Variants in PIEZO2 observed in about 807,000 individuals in gnomAD.
PIEZO2 encodes piezo-type mechanosensitive ion channel component 2.
A neutral mutation model predicts 337.3 loss-of-function variants in PIEZO2; 172 were observed. That is an observed-to-expected ratio of 0.51 (90% CI 0.45 to 0.58). The LOEUF is 0.58. Among genes scored for constraint, PIEZO2 ranks in the 20% least tolerant of loss-of-function variants. The pLI, the probability that PIEZO2 is intolerant of heterozygous loss-of-function variation, is 0.00. For missense variants in PIEZO2, 3,028 were observed against 3,391.3 expected (o/e 0.89, Z 2.66); for synonymous variants, 1,251 against 1,228.5 (o/e 1.02, Z -0.38).
intron 1 of PIEZO2, among the ~76,000 whole-genome samples, chr18:11,122,319 C>T (rs1378463471): frequency 6.6e-6 from 1 of 152,174 alleles, no homozygotes; most frequent in Non-Finnish European, 1.5e-5. Flanking sequence ...TAGACATTAT[C>T]AAGATTTACT....
In PIEZO2 at chr18:10,794,807, A is replaced by C. The variant is rs1270553729; in HGVS notation, c.1723T>G (p.Leu575Val). The part of the protein sequence containing the change: ...LPEIKKVPGF[L>V]EKKEPGELAS... ...AGTTCTCCTGGCTCTTTCTTTTCTA[A>C]AAATCCTGGAACTTTTTTAATTTCA... The change falls in exon 13 of 56, where the codon TTA becomes GTA. Residue 575 changes from leucine (L) to valine (V), a missense_variant. Around this residue, in one of 5 missense-constraint regions of PIEZO2, gnomAD observed 1,925 missense variants for 2,051.9 expected, o/e 0.94. Coordinates refer to ENST00000674853, the MANE Select transcript of PIEZO2 (RefSeq NM_001378183.1). This position sits in a 1 kb window ranked among gnomAD's most constrained non-coding sequence, Gnocchi z 6.6. The C allele has an allele frequency of 2.6e-6, 4 of 1,535,468 alleles. No homozygotes were observed. In the South Asian group the frequency reaches 4.8e-5, roughly 18 times the overall value.
intron 4 of PIEZO2, among the ~76,000 whole-genome samples, chr18:10,881,072 A>G (rs2042406989): frequency 6.6e-6 from 1 of 151,616 alleles, no homozygotes; most frequent in Admixed American, 6.6e-5. Context: ...AAATCAAGGG[A>G]TTCCAAAGTT....
chr18:11,018,340 G>T (rs1334780986), intron 2 of PIEZO2, among the ~76,000 whole-genome samples: 1 of 144,304 alleles, frequency 6.9e-6, no homozygotes, highest in Non-Finnish European at 1.5e-5. Context: ...TTCCAAATAA[G>T]GTCACATTCT....
rs61626740 is a variant in PIEZO2, at chr18:10,903,899, C to T, written c.329+7287G>A. 2.0e-3 allele frequency among the ~76,000 whole-genome samples: 307 copies of T among 152,310 alleles called. 1 individual carries two copies. The highest frequency in any genetic ancestry group is 7.3e-3 in the African/African-American group (302 of 41,552). On this transcript the variant is annotated intron_variant, in intron 4 of 55. Transcript: ENST00000674853. The surrounding 1 kb of genome is among the most constrained non-coding windows in gnomAD (Gnocchi z 4.1). Reference sequence around the variant, plus strand: ...CCATCCCTGTCCCCCAACTATGCAGCCAGGCCTTGCCTCAACCTCACACAT... The same window carrying T: ...CCATCCCTGTCCCCCAACTATGCAGTCAGGCCTTGCCTCAACCTCACACAT...
Position 10,677,691 on chromosome 18 carries a change from T to C in PIEZO2, c.8081+56A>G, listed in dbSNP as rs1001629433. ...ACACATGAATCTGTAGATGGACATT[T>C]TGTACCAGCTGCATATACCTAACAA... is the stretch of plus-strand genomic sequence containing the variant. On this transcript the variant is annotated intron_variant, in intron 53 of 55. Coordinates refer to ENST00000674853, the MANE Select transcript of PIEZO2 (RefSeq NM_001378183.1). This position sits in a 1 kb window ranked among gnomAD's most constrained non-coding sequence, Gnocchi z 4.1. The C allele has an allele frequency of 1.9e-5, 30 of 1,561,146 alleles. No homozygotes were observed. Among genetic ancestry groups the C allele is most frequent in the Non-Finnish European group, 2.6e-5 (30 of 1,154,260 alleles).
At chr18:10,700,206 T>G (rs1237989085) in intron 43 of PIEZO2, among the ~76,000 whole-genome samples, 1 of 152,176 alleles carries the variant, frequency 6.6e-6, no homozygotes, top group Non-Finnish European at 1.5e-5. Context: ...CTCAGTAGTA[T>G]ATTTACTTGT....
chr18:10,939,256 A>C (rs2032581279), intron 3 of PIEZO2, among the ~76,000 whole-genome samples: 1 of 152,182 alleles, frequency 6.6e-6, no homozygotes, highest in Non-Finnish European at 1.5e-5. Flanking sequence ...GGATGCAAAA[A>C]AGTTATATTA....
intron 1 of PIEZO2, among the ~76,000 whole-genome samples, chr18:11,089,473 A>T (rs904674238): frequency 2.6e-5 from 4 of 152,138 alleles, no homozygotes; most frequent in Non-Finnish European, 1.5e-5. Context: ...TGCCTGCCCA[A>T]ACTCTTGAAA....
Position 10,680,380 on chromosome 18 carries a change from G to A in PIEZO2, c.7780-9C>T. ...AGAAATTGCATAGCACCCTGTATGT[G>A]CACAAATGCACATGCATAAATAGAT... On this transcript the variant is annotated splice_polypyrimidine_tract_variant and intron_variant, in intron 51 of 55. Transcript: ENST00000674853. 6.2e-7 allele frequency: 1 copy of A among 1,610,588 alleles called. No homozygotes were observed. Among genetic ancestry groups the A allele is most frequent in the Non-Finnish European group, 8.5e-7 (1 of 1,177,938 alleles).
chr18:10,700,875 C>T (rs2035301970), intron 43 of PIEZO2, among the ~76,000 whole-genome samples: 1 of 152,162 alleles, frequency 6.6e-6, no homozygotes, highest in African/African-American at 2.4e-5. Flanking sequence ...CTTTCAAAAA[C>T]CTGCCACAAC....
intron 52 of PIEZO2, among the ~76,000 whole-genome samples, chr18:10,678,207 G>A (rs1303455307): frequency 1.3e-5 from 2 of 152,152 alleles, no homozygotes; most frequent in African/African-American, 2.4e-5. Context: ...TAGTCTCCAC[G>A]GCAATAAACA....
chr18:10,699,251 C>T (rs917997173), intron 43 of PIEZO2, 74 bp from the exon 44 acceptor site: 1 of 1,510,522 alleles, frequency 6.6e-7, no homozygotes, highest in Admixed American at 2.2e-5. Context: ...CTTACAAAAT[C>T]TCATCCAACA....
intron 18 of PIEZO2, among the ~76,000 whole-genome samples, chr18:10,774,436 C>G (rs933903472): frequency 7.0e-6 from 1 of 142,500 alleles, no homozygotes; most frequent in Non-Finnish European, 1.5e-5. Flanking sequence ...ACGAATCCCA[C>G]TCTGCCATCT....
In PIEZO2 at chr18:11,001,754, T is replaced by C. The variant is rs577458213; in HGVS notation, c.161-22094A>G. Among the ~76,000 whole-genome samples, 12 of 152,112 alleles carry C rather than the reference T, an allele frequency of 7.9e-5. No homozygotes were observed. The highest frequency in any genetic ancestry group is 2.4e-4 in the African/African-American group (10 of 41,492). ...TGGGCCATGCACAGTGGCTCACACC[T>C]GTAACCCCAGCCACTCGGGAGGCTG... On this transcript the variant is annotated intron_variant, in intron 2 of 55. Transcript: ENST00000674853. This position sits in a 1 kb window ranked among gnomAD's most constrained non-coding sequence, Gnocchi z 5.3.
chr18:10,786,912 AT>A, intron 16 of PIEZO2, 123 bp downstream of exon 16: 1 of 976,228 alleles, frequency 1.0e-6, no homozygotes. Flanking sequence ...TTTAATTTCT[AT>A]TATTGAGGAA....
Position 10,821,188 on chromosome 18 carries a change from G to T in PIEZO2, c.918-13914C>A, listed in dbSNP as rs1370659723. ...CAGCAAGACCACCATGCTCAGTTTG[G>T]ATTCCCTTCCCCACATAATGTACAG... is the stretch of plus-strand genomic sequence containing the variant. On this transcript the variant is annotated intron_variant, in intron 7 of 55. Coordinates refer to ENST00000674853, the MANE Select transcript of PIEZO2 (RefSeq NM_001378183.1). The surrounding 1 kb of genome is among the most constrained non-coding windows in gnomAD (Gnocchi z 4.2). Among the ~76,000 whole-genome samples, 1 of 152,038 alleles carries T rather than the reference G, an allele frequency of 6.6e-6. No homozygotes were observed. The highest frequency in any genetic ancestry group is 6.6e-5 in the Admixed American group (1 of 15,242).
intron 1 of PIEZO2, among the ~76,000 whole-genome samples, chr18:11,073,664 A>G (rs1336359406): frequency 6.6e-6 from 1 of 152,200 alleles, no homozygotes; most frequent in African/African-American, 2.4e-5. Flanking sequence ...ATCCCATTTG[A>G]CAGATGGCAG....
chr18:11,110,514 T>C lies in PIEZO2; in HGVS notation c.64+38011A>G, dbSNP rs2146140863. 6.6e-6 allele frequency among the ~76,000 whole-genome samples: 1 copy of C among 152,268 alleles called. No individual in the cohort carries two copies. Among genetic ancestry groups the C allele is most frequent in the South Asian group, 2.1e-4 (1 of 4,820 alleles). ...TCCACCTGTTTACCTGAGGTAAGTG[T>C]CTGGGCCTTTCCTCAAACAACAAAG... is the stretch of plus-strand genomic sequence containing the variant. On this transcript the variant is annotated intron_variant, in intron 1 of 55. Coordinates refer to ENST00000674853, the MANE Select transcript of PIEZO2 (RefSeq NM_001378183.1). The surrounding 1 kb of genome is among the most constrained non-coding windows in gnomAD (Gnocchi z 4.2).
intron 1 of PIEZO2, among the ~76,000 whole-genome samples, chr18:11,088,324 G>GA (rs2038970914): frequency 6.6e-6 from 1 of 151,886 alleles, no homozygotes. Flanking sequence ...AAACATAGAT[G>GA]AAAAAAAAGT....
Sources: allele counts gnomAD v4.1 joint callset (sites outside exome capture counted in the v4.1 genomes callset), GRCh38; gene constraint gnomAD v4.1.1; regional missense constraint gnomAD v4.1.1; non-coding constraint Gnocchi (gnomAD v3.1); transcripts MANE v1.5; gene names NCBI Gene and HGNC (gene_info 2026-07-23, HGNC 2026-07-21).